Variants in MOV10L1 observed in about 807,000 individuals in gnomAD.
MOV10L1 encodes RNA helicase Mov10l1.
In MOV10L1, 110 loss-of-function variants were observed where a neutral mutation model predicts 143.8. The observed-to-expected ratio is 0.76, with a 90% confidence interval of 0.66 to 0.90. The LOEUF (loss-of-function observed/expected upper bound fraction) is 0.90, where lower values mean the gene tolerates loss of function less well. Ranked by LOEUF, MOV10L1 falls within the 40% of genes least tolerant of loss-of-function variation. The probability of loss-of-function intolerance (pLI) is 0.00; values close to 1 mark genes in which losing one functional copy is unlikely to be tolerated. For missense variants in MOV10L1, 1,406 were observed against 1,526.8 expected, an observed-to-expected ratio of 0.92 and a Z score of 1.32; for synonymous variants, 593 against 581.1, an observed-to-expected ratio of 1.02 and a Z score of -0.29.
chr22:50,113,582 G>T (rs754308444), intron 5 of MOV10L1, 66 bp from the exon 6 acceptor site: 1 of 1,576,276 alleles, frequency 6.3e-7, no homozygotes, highest in African/African-American at 1.4e-5. Context: ...ATCCTCAGGA[G>T]CGGAGGCAGG....
chr22:50,135,532 C>G (rs542203529), intron 15 of MOV10L1, among the ~76,000 whole-genome samples: 3 of 151,904 alleles, frequency 2.0e-5, no homozygotes, highest in Admixed American at 2.0e-4. Context: ...GCGGGCAGAT[C>G]ATGAGATCAG....
chr22:50,090,477 T>C (rs749008365), intron 1 of MOV10L1: 1 of 1,610,338 alleles, frequency 6.2e-7, no homozygotes, highest in Non-Finnish European at 8.5e-7. Flanking sequence ...CGTCTCTCCA[T>C]GTCGTTCCTC....
chr22:50,128,702 G>C (rs894845878), intron 13 of MOV10L1, among the ~76,000 whole-genome samples, 195 bp downstream of exon 13: 2 of 151,836 alleles, frequency 1.3e-5, no homozygotes, highest in Non-Finnish European at 2.9e-5. Context: ...CTGCCACCAC[G>C]CCTGGCTAAT....
chr22:50,125,981 A>G (rs2147226560), intron 11 of MOV10L1, among the ~76,000 whole-genome samples: 1 of 149,852 alleles, frequency 6.7e-6, no homozygotes, highest in Admixed American at 6.7e-5. Flanking sequence ...TTTAGTAGAG[A>G]TGAGGTTTCG....
chr22:50,096,829 T>G (rs1602115146), intron 2 of MOV10L1, among the ~76,000 whole-genome samples: 1 of 152,190 alleles, frequency 6.6e-6, no homozygotes, highest in Non-Finnish European at 1.5e-5. Context: ...GAAATTAGGT[T>G]GTTTTCTTGT....
chr22:50,154,790 A>G (rs2063385096), intron 22 of MOV10L1, among the ~76,000 whole-genome samples: 1 of 152,164 alleles, frequency 6.6e-6, no homozygotes, highest in Non-Finnish European at 1.5e-5. Flanking sequence ...TCACTGCTTT[A>G]TCTTCCTCAT....
intron 10 of MOV10L1, 148 bp downstream of exon 10, chr22:50,120,764 C>A: frequency 1.6e-6 from 1 of 635,100 alleles, no homozygotes; most frequent in Non-Finnish European, 2.8e-6. Context: ...CACTGCCTGG[C>A]CGTGAGGGAT....
Position 50,144,085 on chromosome 22 carries a change from T to A in MOV10L1, c.2359-12T>A, listed in dbSNP as rs2063067033. On this transcript the variant is annotated splice_polypyrimidine_tract_variant and intron_variant, in intron 17 of 26. Coordinates refer to ENST00000262794, the MANE Select transcript of MOV10L1 (RefSeq NM_018995.3). ...ATGTTGAGCCTTGGTCTCTTGTGTG[T>A]CTTTGATGAAGGTACACTTTGCCTT... is the stretch of plus-strand genomic sequence containing the variant. 6.2e-7 allele frequency: 1 copy of A among 1,602,696 alleles called. No homozygotes were observed. Among genetic ancestry groups the A allele is most frequent in the Admixed American group, 1.7e-5 (1 of 59,822 alleles).
chr22:50,103,696 G>A (rs1164041651), intron 3 of MOV10L1, among the ~76,000 whole-genome samples: 1 of 152,126 alleles, frequency 6.6e-6, no homozygotes, highest in African/African-American at 2.4e-5. Context: ...TGAGATCAAG[G>A]TTTCACAGGT....
intron 8 of MOV10L1, among the ~76,000 whole-genome samples, chr22:50,116,951 G>A (rs931182246): frequency 6.6e-5 from 10 of 152,018 alleles, no homozygotes; most frequent in African/African-American, 9.7e-5. Context: ...CCACCGCACC[G>A]GGCCTGTAGG....
chr22:50,090,661 T>A, intron 1 of MOV10L1: 1 of 1,014,796 alleles, frequency 9.9e-7, no homozygotes, highest in South Asian at 1.5e-5. Flanking sequence ...TCACCGTTCC[T>A]TTCTCCTGAG....
At chr22:50,135,962 A>G (rs952608137) in intron 15 of MOV10L1, among the ~76,000 whole-genome samples, 3 of 152,182 alleles carry the variant, frequency 2.0e-5, no homozygotes, top group African/African-American at 7.2e-5. Context: ...ATTTGGTTTT[A>G]TGAGCATGTT....
intron 13 of MOV10L1, among the ~76,000 whole-genome samples, chr22:50,130,539 A>G (rs969870443): frequency 1.3e-5 from 2 of 151,934 alleles, no homozygotes; most frequent in African/African-American, 4.8e-5. Flanking sequence ...AGAGAGAGCG[A>G]GAGAAATTGG....
rs186421331 is a variant in MOV10L1 at position 50,141,388 on chromosome 22, C to T, written c.2071-693C>T. On this transcript the variant is annotated intron_variant, in intron 15 of 26. Coordinates refer to ENST00000262794, the MANE Select transcript of MOV10L1 (RefSeq NM_018995.3). ...CTCTGTCACCCAGGTTGGAGTTGGT[C>T]GCCCAATCTCCACTCACTGCAGCCC... Among the ~76,000 whole-genome samples the T allele has an allele frequency of 6.6e-3, 1,005 of 151,322 alleles. 11 individuals carry two copies. Among genetic ancestry groups the T allele is most frequent in the Non-Finnish European group, 0.011 (734 of 67,836 alleles).
Position 50,134,052 on chromosome 22 carries a change from C to T in MOV10L1, c.1956C>T (p.His652=), listed in dbSNP as rs1238920767. Residue 652 remains histidine, a synonymous_variant, in exon 14 of 27, where the codon CAC becomes CAT. Coordinates refer to ENST00000262794, the MANE Select transcript of MOV10L1 (RefSeq NM_018995.3). ...RCHFALEHVI[H]LGVKVLFPEE... ...ACTTTGCACTTGAACACGTCATCCA[C>T]TTAGGTGTAAAAGGTATTACTTTTA... The T allele has an allele frequency of 1.2e-6, 2 of 1,610,998 alleles. No homozygotes were observed. Among genetic ancestry groups the T allele is most frequent in the Admixed American group, 1.7e-5 (1 of 58,918 alleles).
intron 15 of MOV10L1, among the ~76,000 whole-genome samples, chr22:50,137,781 CAT>C (rs1569025207): frequency 1.1e-5 from 1 of 90,764 alleles, no homozygotes; most frequent in Non-Finnish European, 2.4e-5. Flanking sequence ...TATATATATA[CAT>C]ATATAAATAT....
chr22:50,126,862 G>T (rs918869426), intron 12 of MOV10L1, among the ~76,000 whole-genome samples: 9 of 152,196 alleles, frequency 5.9e-5, no homozygotes, highest in African/African-American at 2.2e-4. Flanking sequence ...AGGAAGAAGG[G>T]CTGAGAGAAC....
At chr22:50,107,051 C>T (rs1443135952) in intron 3 of MOV10L1, among the ~76,000 whole-genome samples, 2 of 150,510 alleles carry the variant, frequency 1.3e-5, no homozygotes, top group Non-Finnish European at 3.0e-5. Context: ...AGTGCCCTAG[C>T]ATATTTTAGT....
intron 1 of MOV10L1, 50 bp from the exon 2 acceptor site, chr22:50,091,951 C>G: frequency 6.4e-7 from 1 of 1,563,956 alleles, no homozygotes; most frequent in Non-Finnish European, 8.7e-7. Flanking sequence ...TTCACTGTAG[C>G]GTACGCTTGC....
Sources: allele counts gnomAD v4.1 joint callset (sites outside exome capture counted in the v4.1 genomes callset), GRCh38; gene constraint gnomAD v4.1.1; transcripts MANE v1.5; gene names NCBI Gene and HGNC (gene_info 2026-07-23, HGNC 2026-07-21).